HOMER1: variants seen among roughly 807,000 people sequenced by gnomAD.
The protein encoded by HOMER1 is homer protein homolog 1.
In HOMER1, 3 loss-of-function variants were observed where a neutral mutation model predicts 48.9. The observed-to-expected ratio is 0.06, with a 90% CI of 0.03 to 0.16. The LOEUF (loss-of-function observed/expected upper bound fraction) is 0.16, where lower values mean the gene tolerates loss of function less well. HOMER1 is among the 10% of genes least tolerant of loss of function. The probability of loss-of-function intolerance (pLI) is 1.00; values close to 1 mark genes in which losing one functional copy is unlikely to be tolerated. For missense variants in HOMER1, 247 were observed against 411.4 expected, an observed-to-expected ratio of 0.60 and a Z score of 3.46; for synonymous variants, 134 against 146.4, an observed-to-expected ratio of 0.92 and a Z score of 0.61.
chr5:79,391,145 T>G (rs1297682704), intron 8 of HOMER1, among the ~76,000 whole-genome samples: 4 of 148,466 alleles, frequency 2.7e-5, no homozygotes, highest in African/African-American at 5.0e-5. Context: ...TTTTTTTGTT[T>G]TTTTTTTTTT....
intron 5 of HOMER1, among the ~76,000 whole-genome samples, chr5:79,424,806 A>G (rs1044952043): frequency 1.3e-5 from 2 of 152,092 alleles, no homozygotes; most frequent in African/African-American, 4.8e-5. Flanking sequence ...ATCAGAAATA[A>G]CAGCTATTTT....
At chr5:79,504,102 TCTTA>T (rs1334750533) in intron 1 of HOMER1, among the ~76,000 whole-genome samples, 2 of 152,036 alleles carry the variant, frequency 1.3e-5, no homozygotes, top group African/African-American at 4.8e-5. Context: ...ACAACTAAAA[TCTTA>T]CAGATCATCA....
chr5:79,488,584 A>G lies in HOMER1; in HGVS notation c.5+24186T>C, dbSNP rs533727989. Among the ~76,000 whole-genome samples the G allele has an allele frequency of 6.6e-5, 10 of 152,354 alleles. No homozygotes were observed. The East Asian group carries it at 1.7e-3, about 26-fold the overall frequency. ...AAAGCCCAGACTGGGCAATCTGCTG[A>G]CCATACCAAAATGCTGTCAGCTTTT... On this transcript the variant is annotated intron_variant, in intron 1 of 8. Coordinates refer to ENST00000334082, the MANE Select transcript of HOMER1 (RefSeq NM_004272.5).
chr5:79,391,882 C>T (rs933566111), intron 8 of HOMER1, among the ~76,000 whole-genome samples: 5 of 152,182 alleles, frequency 3.3e-5, no homozygotes, highest in Admixed American at 3.3e-4. Context: ...CAGTCATGCA[C>T]AGCATGACAA....
intron 1 of HOMER1, among the ~76,000 whole-genome samples, chr5:79,502,592 G>T (rs1752626379): frequency 6.6e-6 from 1 of 152,110 alleles, no homozygotes; most frequent in Admixed American, 6.5e-5. Context: ...AGGTCATACA[G>T]AACATCTAAT....
chr5:79,459,934 GAA>G (rs1196163210), intron 1 of HOMER1, among the ~76,000 whole-genome samples: 1 of 152,050 alleles, frequency 6.6e-6, no homozygotes, highest in Non-Finnish European at 1.5e-5. Flanking sequence ...AATAGAGAAT[GAA>G]AAAAGAGAGA....
intron 8 of HOMER1, among the ~76,000 whole-genome samples, chr5:79,387,720 T>A (rs115400181): frequency 1.3e-5 from 2 of 152,152 alleles, no homozygotes; most frequent in Admixed American, 1.3e-4. Context: ...TAATAGAACA[T>A]ACATTCTATA....
intron 5 of HOMER1, among the ~76,000 whole-genome samples, chr5:79,437,299 G>C (rs574203045): frequency 1.9e-4 from 29 of 152,284 alleles, no homozygotes; most frequent in Admixed American, 1.6e-3. Context: ...ATTATGTTCA[G>C]TGAAGTTTTA....
chr5:79,476,087 GC>G (rs2112333498), intron 1 of HOMER1, among the ~76,000 whole-genome samples: 1 of 152,180 alleles, frequency 6.6e-6, no homozygotes, highest in East Asian at 1.9e-4. Flanking sequence ...ATAGCATAAA[GC>G]CCCCAAATAC....
chr5:79,381,739 G>A (rs1048800372), intron 8 of HOMER1, among the ~76,000 whole-genome samples: 3 of 152,084 alleles, frequency 2.0e-5, no homozygotes, highest in African/African-American at 4.8e-5. Flanking sequence ...CAAAAATTTA[G>A]CTGGCCATGG....
intron 5 of HOMER1, among the ~76,000 whole-genome samples, chr5:79,419,570 A>G (rs1750040414): frequency 1.3e-5 from 2 of 151,862 alleles, no homozygotes; most frequent in South Asian, 4.2e-4. Context: ...TTACTTATTT[A>G]GAGAAAACAT....
At chr5:79,421,576 G>A (rs1750099621) in intron 5 of HOMER1, among the ~76,000 whole-genome samples, 1 of 150,540 alleles carries the variant, frequency 6.6e-6, no homozygotes, top group Admixed American at 6.6e-5. Context: ...AATACTATGA[G>A]CACACACACA....
At chr5:79,425,987 C>A (rs1750237784) in intron 5 of HOMER1, among the ~76,000 whole-genome samples, 1 of 151,384 alleles carries the variant, frequency 6.6e-6, no homozygotes, top group Non-Finnish European at 1.5e-5. Flanking sequence ...TGAAGGGAAC[C>A]TTTCTCCATT....
chr5:79,513,749 C>A lies in HOMER1; in HGVS notation c.-975G>T, dbSNP rs930971459. On this transcript the variant is annotated 5_prime_UTR_variant, in exon 1 of 9. Transcript: ENST00000334082. ...GCCCCACGCTTCCACTGGCACCCTG[C>A]CCCCAGCTCCAGGGCGGGCGAAAGG... is the stretch of plus-strand genomic sequence containing the variant. The A allele has an allele frequency of 6.5e-6, 1 of 152,740 alleles. No individual in the cohort carries two copies. The highest frequency in any genetic ancestry group is 1.5e-5 in the Non-Finnish European group (1 of 68,484). The allele number at this position is 152,740 out of a possible 1,614,324, so 9.5% of individuals were successfully genotyped here.
chr5:79,457,809 C>T (rs1293078588), intron 1 of HOMER1, among the ~76,000 whole-genome samples: 2 of 152,128 alleles, frequency 1.3e-5, no homozygotes, highest in Non-Finnish European at 2.9e-5. Context: ...CTTAGTGTTG[C>T]TGGCACCTTC....
intron 5 of HOMER1, among the ~76,000 whole-genome samples, chr5:79,413,446 A>AT (rs1264284578): frequency 6.6e-6 from 1 of 152,118 alleles, no homozygotes; most frequent in Admixed American, 6.6e-5. Flanking sequence ...AAACATTAAA[A>AT]ATATATATAT....
intron 3 of HOMER1, among the ~76,000 whole-genome samples, chr5:79,448,595 A>C (rs1417301649): frequency 3.9e-5 from 6 of 152,198 alleles, no homozygotes; most frequent in Non-Finnish European, 1.5e-5. Flanking sequence ...GTCTTTGTCT[A>C]GAATTGCCTT....
intron 8 of HOMER1, among the ~76,000 whole-genome samples, chr5:79,379,808 C>T (rs1164382690): frequency 1.3e-5 from 2 of 151,874 alleles, no homozygotes; most frequent in South Asian, 2.1e-4. Context: ...CTGTTATTTC[C>T]CTCTTTTCCT....
intron 1 of HOMER1, among the ~76,000 whole-genome samples, chr5:79,482,453 C>A (rs1751974659): frequency 6.6e-6 from 1 of 151,880 alleles, no homozygotes; most frequent in Admixed American, 6.6e-5. Flanking sequence ...AGCAGTTACA[C>A]TTGAACGTAT....
Sources: gnomAD v4.1 joint callset for allele counts (sites outside exome capture counted in the v4.1 genomes callset) on GRCh38, gnomAD v4.1.1 for gene constraint, MANE v1.5 for transcripts, NCBI Gene and HGNC (gene_info 2026-07-23, HGNC 2026-07-21) for gene names.